The following TNFRSF21 variants were observed in gnomAD, a reference collection of about 807,000 sequenced individuals.
TNFRSF21 encodes tumor necrosis factor receptor superfamily member 21.
TNFRSF21 carries 19 observed loss-of-function variants against 45.6 expected under a neutral mutation model. The observed-to-expected ratio is 0.42, with a 90% CI of 0.29 to 0.61. The LOEUF (loss-of-function observed/expected upper bound fraction) is 0.61. Ranked by LOEUF, TNFRSF21 falls within the 20% of genes least tolerant of loss-of-function variation. TNFRSF21 has a pLI of 0.23. For synonymous variants in TNFRSF21, 314 were observed against 335.5 expected (o/e 0.94, Z 0.70); for missense variants, 737 against 851.5 (o/e 0.87, Z 1.67).
chr6:47,251,023 A>T (rs944358853), intron 4 of TNFRSF21, among the ~76,000 whole-genome samples: 4 of 152,246 alleles, frequency 2.6e-5, no homozygotes, highest in Non-Finnish European at 5.9e-5. Flanking sequence ...TTTCATGTTT[A>T]GATTTGGGAC....
intron 1 of TNFRSF21, among the ~76,000 whole-genome samples, chr6:47,308,228 T>C (rs1762967010): frequency 6.6e-6 from 1 of 152,238 alleles, no homozygotes; most frequent in African/African-American, 2.4e-5. Context: ...AGAGTGTCTG[T>C]AGGATGAATT....
At chr6:47,235,272 T>C (rs1217358691) in intron 4 of TNFRSF21, among the ~76,000 whole-genome samples, 2 of 152,190 alleles carry the variant, frequency 1.3e-5, no homozygotes, top group East Asian at 3.8e-4. Flanking sequence ...CACCTCCATG[T>C]TGAAGCCCTG....
Position 47,284,204 on chromosome 6 carries a change from G to C in TNFRSF21, c.977C>G (p.Thr326Arg). The change falls in exon 3 of 6, where the codon ACG (threonine) becomes AGG (arginine). Residue 326 changes from threonine (T) to arginine (R), a missense_variant. By Grantham distance (71) the Thr-to-Arg change is moderately conservative. Transcript: ENST00000296861. ...MEATGGEKSS[T>R]PIKGPKRGHP... ...TCCCCTCTTGGGGCCCTTGATGGGC[G>C]TGCTGGACTTCTCGCCCCCAGTGGC... is the stretch of plus-strand genomic sequence containing the variant. 1 of 1,614,168 alleles carries C rather than the reference G, an allele frequency of 6.2e-7. No individual in the cohort carries two copies. Among genetic ancestry groups the C allele is most frequent in the Non-Finnish European group, 8.5e-7 (1 of 1,180,018 alleles).
chr6:47,235,440 A>G (rs1301772303), intron 4 of TNFRSF21, among the ~76,000 whole-genome samples: 2 of 152,236 alleles, frequency 1.3e-5, no homozygotes, highest in Non-Finnish European at 2.9e-5. Flanking sequence ...GGGAAGACAC[A>G]GTGAAGACAT....
At chr6:47,265,298 T>C (rs1315658512) in intron 3 of TNFRSF21, among the ~76,000 whole-genome samples, 1 of 152,206 alleles carries the variant, frequency 6.6e-6, no homozygotes, top group Non-Finnish European at 1.5e-5. Context: ...TTGATGACAA[T>C]TTTGTAGGCG....
At chr6:47,236,792 CAGTT>C (rs978138060) in intron 4 of TNFRSF21, among the ~76,000 whole-genome samples, 1 of 152,310 alleles carries the variant, frequency 6.6e-6, no homozygotes, top group East Asian at 1.9e-4. Context: ...TTAATTCACT[CAGTT>C]AGACTAAGAA....
At chr6:47,263,155 G>A (rs1421494602) in intron 3 of TNFRSF21, among the ~76,000 whole-genome samples, 1 of 152,100 alleles carries the variant, frequency 6.6e-6, no homozygotes, top group Non-Finnish European at 1.5e-5. Context: ...GCCAAATAAG[G>A]GGTGAGAATG....
intron 2 of TNFRSF21, 113 bp from the exon 3 acceptor site, chr6:47,284,545 C>T: frequency 8.2e-7 from 1 of 1,216,588 alleles, no homozygotes; most frequent in South Asian, 2.5e-5. Context: ...GATAAGATGA[C>T]CCTTGGGGCT....
chr6:47,299,384 C>T (rs887660028), intron 1 of TNFRSF21, among the ~76,000 whole-genome samples: 8 of 152,002 alleles, frequency 5.3e-5, no homozygotes, highest in Non-Finnish European at 8.8e-5. Flanking sequence ...ATCCCAGCTA[C>T]TCAGGAGGCT....
chr6:47,301,647 G>T (rs1762865534), intron 1 of TNFRSF21, among the ~76,000 whole-genome samples: 2 of 152,038 alleles, frequency 1.3e-5, no homozygotes. Flanking sequence ...ACCAGAGCTG[G>T]TTGCTTAAAG....
At chr6:47,270,684 A>G (rs1319453143) in intron 3 of TNFRSF21, among the ~76,000 whole-genome samples, 1 of 152,248 alleles carries the variant, frequency 6.6e-6, no homozygotes, top group Non-Finnish European at 1.5e-5. Context: ...TGACAGAAGT[A>G]GGCTTCAGAA....
rs146113475 is a variant in TNFRSF21 at position 47,286,087 on chromosome 6, G to A, written c.605C>T (p.Pro202Leu). The A allele has an allele frequency of 3.5e-5, 57 of 1,614,174 alleles. No individual in the cohort carries two copies. Among genetic ancestry groups the A allele is most frequent in the East Asian group, 1.3e-4 (6 of 44,878 alleles). Residue 202 changes from proline (P) to leucine (L), a missense_variant, in exon 2 of 6, where the codon CCG becomes CTG. Physicochemically the swap from Pro to Leu is moderately conservative, Grantham distance 98 (BLOSUM62 -3). Coordinates refer to ENST00000296861, the MANE Select transcript of TNFRSF21 (RefSeq NM_014452.5). ...CLSQNLVVIK[P>L]GTKETDNVCG... Reference sequence around the variant, plus strand: ...GACGTTGTCTGTCTCCTTGGTCCCCGGCTTGATCACCACCAGGTTCTGACT... The same window carrying A: ...GACGTTGTCTGTCTCCTTGGTCCCCAGCTTGATCACCACCAGGTTCTGACT...
chr6:47,306,862 G>A (rs887284046), intron 1 of TNFRSF21, among the ~76,000 whole-genome samples: 2 of 152,090 alleles, frequency 1.3e-5, no homozygotes, highest in African/African-American at 4.8e-5. Flanking sequence ...TGTAATACGT[G>A]GGCAGGCCAC....
intron 3 of TNFRSF21, among the ~76,000 whole-genome samples, chr6:47,282,471 G>T (rs1762583838): frequency 6.6e-6 from 1 of 151,946 alleles, no homozygotes; most frequent in Non-Finnish European, 1.5e-5. Flanking sequence ...CTGGGTCATG[G>T]GATGGACAAA....
At chr6:47,245,458 TTGTG>T (rs770568672) in intron 4 of TNFRSF21, among the ~76,000 whole-genome samples, 7 of 107,800 alleles carry the variant, frequency 6.5e-5, no homozygotes, top group Non-Finnish European at 9.6e-5. Flanking sequence ...GTGTGTGTGT[TTGTG>T]TGTGTGTGTG....
chr6:47,245,677 C>T (rs1561939082), intron 4 of TNFRSF21, among the ~76,000 whole-genome samples: 1 of 151,730 alleles, frequency 6.6e-6, no homozygotes, highest in Non-Finnish European at 1.5e-5. Flanking sequence ...CTCAGTAATA[C>T]ATAATGACAA....
At chr6:47,249,815 T>C (rs1297924164) in intron 4 of TNFRSF21, among the ~76,000 whole-genome samples, 1 of 152,172 alleles carries the variant, frequency 6.6e-6, no homozygotes, top group Non-Finnish European at 1.5e-5. Context: ...AGCATGTGTG[T>C]TGTAATCCCT....
chr6:47,297,581 G>A lies in TNFRSF21; in HGVS notation c.97-10986C>T, dbSNP rs1762809368. Among the ~76,000 whole-genome samples the A allele has an allele frequency of 1.4e-5, 2 of 142,692 alleles. 1 individual carries two copies. Among genetic ancestry groups the A allele is most frequent in the South Asian group, 4.4e-4 (2 of 4,592 alleles). 93.6% of individuals were successfully genotyped at this position (142,692 alleles called of 152,430 possible). On this transcript the variant is annotated intron_variant, in intron 1 of 5. Transcript: ENST00000296861. ...TCTGTCACCCAGGCTGGATTGCAGTGGCACGATCTGGGCTCACTGCAACTT... is the reference window on the plus strand; with the variant it reads ...TCTGTCACCCAGGCTGGATTGCAGTAGCACGATCTGGGCTCACTGCAACTT...
At chr6:47,270,153 G>A (rs115001456) in intron 3 of TNFRSF21, among the ~76,000 whole-genome samples, 5,340 of 152,202 alleles carry the variant, frequency 0.035, 314 homozygotes, top group African/African-American at 0.12. Flanking sequence ...CCAGCATGGC[G>A]TATGAGCTCT....
Sources: allele counts gnomAD v4.1 joint callset (sites outside exome capture counted in the v4.1 genomes callset), GRCh38; gene constraint gnomAD v4.1.1; transcripts MANE v1.5; gene names NCBI Gene and HGNC (gene_info 2026-07-23, HGNC 2026-07-21).